Variants in DEAF1 observed in about 807,000 individuals in gnomAD.
DEAF1 encodes the protein DEAF1 transcription factor.
In DEAF1, 53 loss-of-function variants were observed where a neutral mutation model predicts 58.9. That is an observed-to-expected ratio of 0.90 (90% CI 0.72 to 1.13). The LOEUF is 1.13. DEAF1 is among the 50% of genes most tolerant of loss of function. The probability of loss-of-function intolerance (pLI) is 0.00; values close to 1 mark genes in which losing one functional copy is unlikely to be tolerated. For synonymous variants in DEAF1, 385 were observed against 340.4 expected, an observed-to-expected ratio of 1.13 and a Z score of -1.44; for missense variants, 685 against 791.4, an observed-to-expected ratio of 0.87 and a Z score of 1.61.
intron 10 of DEAF1, among the ~76,000 whole-genome samples, chr11:662,406 C>T (rs1859357692): frequency 6.6e-6 from 1 of 152,224 alleles, no homozygotes; most frequent in Non-Finnish European, 1.5e-5. Flanking sequence ...TCTGCAGTGG[C>T]GTGGGATCAG....
At chr11:673,126 G>A (rs900735077) in intron 10 of DEAF1, among the ~76,000 whole-genome samples, 2 of 152,112 alleles carry the variant, frequency 1.3e-5, no homozygotes, top group African/African-American at 4.8e-5. Context: ...TCCAGCCTGG[G>A]TGATGGAGCG....
chr11:674,500 G>C, intron 10 of DEAF1, 36 bp downstream of exon 10: 2 of 1,613,378 alleles, frequency 1.2e-6, no homozygotes, highest in African/African-American at 2.7e-5. Context: ...GGGTTACTCG[G>C]CACAGGTCGT....
rs562637773 is a variant in DEAF1, at chr11:704,348, C to T, written c.-438+2224G>A. 2.5e-3 allele frequency: 2,262 copies of T among 915,562 alleles called. 8 individuals are homozygous for T. The highest frequency in any genetic ancestry group is 3.1e-3 in the Non-Finnish European group (2,044 of 660,344). 56.7% of individuals were successfully genotyped at this position (915,562 alleles called of 1,614,324 possible). A position where few individuals can be genotyped will look rare whatever the true frequency, so the allele number is the denominator to read the frequency against. ...TCGGCTGGGGTGGCTGTGGCTGTGG[C>T]ACCTGGACAGTCTTTCCTGCCTGTC... On this transcript the variant is annotated intron_variant, in intron 1 of 11. Coordinates refer to the DEAF1 transcript ENST00000683307.
At chr11:663,103 C>T (rs551809551) in intron 10 of DEAF1, among the ~76,000 whole-genome samples, 3 of 152,318 alleles carry the variant, frequency 2.0e-5, no homozygotes, top group Non-Finnish European at 4.4e-5. Flanking sequence ...CTTGAGACCA[C>T]GTGTTCAGGA....
Position 691,519 on chromosome 11 carries a change from G to A in DEAF1, c.369C>T (p.Ser123=). 6.2e-7 allele frequency: 1 copy of A among 1,613,140 alleles called. No homozygotes were observed. The highest frequency in any genetic ancestry group is 8.5e-7 in the Non-Finnish European group (1 of 1,180,014). The change falls in exon 2 of 12, where the codon TCC becomes TCT. Residue 123 remains serine, a synonymous_variant. Coordinates refer to ENST00000382409, the MANE Select transcript of DEAF1 (RefSeq NM_021008.4). ...VFTTSVANAA[S]ISGHVLSGRT... is the part of the protein sequence containing the mutation. Reference sequence around the variant, plus strand: ...AGCTTACCAGAACATGTCCTGAGATGGATGCCGCGTTCGCCACAGACGTGG... The same window carrying A: ...AGCTTACCAGAACATGTCCTGAGATAGATGCCGCGTTCGCCACAGACGTGG...
At position 688,179 on chromosome 11, in the gene DEAF1, C is replaced by A; in HGVS notation, c.518-122G>T. The stretch of plus-strand genomic sequence containing the variant: ...TTCAACGGCGGAAAAACTTCTTGGT[C>A]AGGAAAATTCCAATGCTTTTACTTA... On this transcript the variant is annotated intron_variant, in intron 3 of 11. Coordinates refer to ENST00000382409, the MANE Select transcript of DEAF1 (RefSeq NM_021008.4). The surrounding 1 kb of genome is among the most constrained non-coding windows in gnomAD (Gnocchi z 4.3). 6.5e-7 allele frequency: 1 copy of A among 1,535,156 alleles called. No homozygotes were observed. The highest frequency in any genetic ancestry group is 1.2e-5 in the South Asian group (1 of 84,504).
chr11:675,935 C>T (rs1298557765), intron 9 of DEAF1, among the ~76,000 whole-genome samples: 1 of 107,072 alleles, frequency 9.3e-6, no homozygotes, highest in Non-Finnish European at 1.9e-5. Context: ...CCCCCAGCAC[C>T]TGACATCCCC....
chr11:701,224 G>C (rs1298095159), intron 1 of DEAF1: 1 of 171,776 alleles, frequency 5.8e-6, no homozygotes, highest in Non-Finnish European at 1.3e-5. Flanking sequence ...CTGTTGCCCA[G>C]GCTGGAGTGC....
chr11:688,461 C>G lies in DEAF1; in HGVS notation c.388-1G>C. On this transcript the variant is annotated splice_acceptor_variant, in intron 2 of 11. Coordinates refer to ENST00000382409, the MANE Select transcript of DEAF1 (RefSeq NM_021008.4). LOFTEE classifies it high-confidence loss of function. The surrounding 1 kb of genome is among the most constrained non-coding windows in gnomAD (Gnocchi z 4.3). ...CGATCTGAAGGGCCGTCCTACCAGA[C>G]TAGAAGGAAAAACCGCTCCGTCAGG... The G allele has an allele frequency of 6.2e-7, 1 of 1,613,712 alleles. No individual in the cohort carries two copies. The highest frequency in any genetic ancestry group is 8.5e-7 in the Non-Finnish European group (1 of 1,180,000).
chr11:703,621 A>C (rs1229664548), intron 1 of DEAF1: 1 of 1,232,654 alleles, frequency 8.1e-7, no homozygotes, highest in Non-Finnish European at 1.0e-6. Context: ...CTGTGTTTCC[A>C]AGTCGGGCTG....
chr11:698,807 C>T (rs4963166), upstream of DEAF1: 705,601 of 1,600,298 alleles, frequency 0.44, 159,389 homozygotes, highest in East Asian at 0.53. Context: ...CAGTGTGGAG[C>T]GAGACCCGGG....
intron 10 of DEAF1, among the ~76,000 whole-genome samples, chr11:665,502 G>C (rs547593133): frequency 6.6e-6 from 1 of 152,366 alleles, no homozygotes; most frequent in East Asian, 1.9e-4. Context: ...GCTGCTTCCA[G>C]CTGAGAAAGG....
intron 10 of DEAF1, among the ~76,000 whole-genome samples, chr11:665,619 T>C (rs1859491674): frequency 6.6e-6 from 1 of 152,194 alleles, no homozygotes. Flanking sequence ...ATAAAATTAC[T>C]AATAAAATTC....
At chr11:651,882 T>C (rs147133772) in intron 11 of DEAF1, among the ~76,000 whole-genome samples, 2,364 of 152,140 alleles carry the variant, frequency 0.016, 56 homozygotes, top group African/African-American at 0.054. Flanking sequence ...CGAGACTCCG[T>C]CTCAAAAACA....
exon 1 of DEAF1, chr11:706,613 G>C (rs1183845579): frequency 6.5e-6 from 1 of 152,884 alleles, no homozygotes; most frequent in East Asian, 1.9e-4. Flanking sequence ...GCTTGGTGGG[G>C]GCAATCCCTG....
intron 10 of DEAF1, among the ~76,000 whole-genome samples, chr11:668,027 G>A (rs968581364): frequency 6.6e-6 from 1 of 152,154 alleles, no homozygotes; most frequent in African/African-American, 2.4e-5. Flanking sequence ...CAGGAGAATT[G>A]CTTAAACCTG....
chr11:670,258 C>T (rs1159496462), intron 10 of DEAF1, among the ~76,000 whole-genome samples: 1 of 152,004 alleles, frequency 6.6e-6, no homozygotes, highest in Non-Finnish European at 1.5e-5. Flanking sequence ...CAGTTTACCT[C>T]AATTACCAAA....
At chr11:693,503 C>G (rs1023299299) in intron 1 of DEAF1, 1 of 152,414 alleles carries the variant, frequency 6.6e-6, no homozygotes, top group African/African-American at 2.4e-5. Context: ...CACACCAGGA[C>G]TGGGATCCAG....
chr11:700,620 G>A, intron 1 of DEAF1: 1 of 1,613,984 alleles, frequency 6.2e-7, no homozygotes, highest in Non-Finnish European at 8.5e-7. Context: ...TTCAGGTCAG[G>A]TGTTCAGCTA....
Sources: gnomAD v4.1 joint callset for allele counts (sites outside exome capture counted in the v4.1 genomes callset) on GRCh38, gnomAD v4.1.1 for gene constraint, Gnocchi (gnomAD v3.1) non-coding constraint, MANE v1.5 for transcripts, NCBI Gene and HGNC (gene_info 2026-07-23, HGNC 2026-07-21) for gene names.